GLG1: variants seen among roughly 807,000 people sequenced by gnomAD.
GLG1 encodes Golgi apparatus protein 1.
Under a neutral mutation model 160.5 loss-of-function variants are expected in GLG1, and 38 were observed. The observed-to-expected ratio is 0.24, with a 90% CI of 0.18 to 0.31. The LOEUF (loss-of-function observed/expected upper bound fraction) is 0.31, where lower values mean the gene tolerates loss of function less well. GLG1 is among the 10% of genes least tolerant of loss of function. The pLI, the probability that GLG1 is intolerant of heterozygous loss-of-function variation, is 1.00. For missense variants in GLG1, 1,373 were observed against 1,505.2 expected (o/e 0.91, Z 1.45); for synonymous variants, 644 against 543.4 (o/e 1.19, Z -2.57).
chr16:74,476,137 G>C (rs763126071), intron 12 of GLG1, among the ~76,000 whole-genome samples: 1 of 151,932 alleles, frequency 6.6e-6, no homozygotes, highest in Non-Finnish European at 1.5e-5. Flanking sequence ...AGCCGAGATC[G>C]TGCCACTGCA....
chr16:74,451,850 A>G lies in GLG1; in HGVS notation c.*1317T>C, dbSNP rs2014318461. ...GGATGGCCAAGAATATTGCTTCTAT[A>G]AAGCCCATATTCTGCAAAGGTTGAT... On this transcript the variant is annotated 3_prime_UTR_variant, in exon 26 of 26. Coordinates refer to ENST00000422840, the MANE Select transcript of GLG1 (RefSeq NM_001145667.2). The G allele has an allele frequency of 3.8e-6, 2 of 533,188 alleles. No homozygotes were observed. The highest frequency in any genetic ancestry group is 3.1e-5 in the East Asian group (1 of 32,050). The allele number at this position is 533,188 out of a possible 1,614,324, so 33.0% of individuals were successfully genotyped here.
intron 11 of GLG1, among the ~76,000 whole-genome samples, 168 bp from the exon 12 acceptor site, chr16:74,477,701 C>T (rs775717545): frequency 3.9e-5 from 6 of 152,136 alleles, no homozygotes; most frequent in Non-Finnish European, 7.4e-5. Flanking sequence ...CGGCCAGGTG[C>T]GGTGGCTCAC....
chr16:74,454,379 T>G (rs529436674), intron 25 of GLG1, among the ~76,000 whole-genome samples: 1 of 151,034 alleles, frequency 6.6e-6, no homozygotes, highest in Non-Finnish European at 1.5e-5. Flanking sequence ...AATTAAAAAA[T>G]TTTTTTTGGC....
chr16:74,569,873 A>T (rs12102294), intron 1 of GLG1, among the ~76,000 whole-genome samples: 1 of 150,830 alleles, frequency 6.6e-6, no homozygotes, highest in East Asian at 1.9e-4. Context: ...AAAAAAAAAA[A>T]AGAAAAAAAA....
At position 74,485,781 on chromosome 16, in the gene GLG1, G is replaced by A. The variant is rs776095491; in HGVS notation, c.1571+15C>T. 1 of 1,608,684 alleles carries A rather than the reference G, an allele frequency of 6.2e-7. No homozygotes were observed. Among genetic ancestry groups the A allele is most frequent in the South Asian group, 1.1e-5 (1 of 90,456 alleles). On this transcript the variant is annotated intron_variant, in intron 9 of 25. Transcript: ENST00000422840. ...AAATACAATATGGATAAATACCATG[G>A]AGAAGATAACTTACATTGGGTCTCC...
At chr16:74,511,990 T>G (rs761190220) in intron 2 of GLG1, among the ~76,000 whole-genome samples, 6 of 152,020 alleles carry the variant, frequency 3.9e-5, no homozygotes, top group Admixed American at 6.6e-5. Context: ...CTCTCTAAAG[T>G]GTACAATTCA....
At chr16:74,508,504 G>C (rs183276846) in intron 3 of GLG1, among the ~76,000 whole-genome samples, 5 of 152,228 alleles carry the variant, frequency 3.3e-5, no homozygotes, top group Admixed American at 3.3e-4. Context: ...AAACAGGAAT[G>C]CTGACAGACC....
At chr16:74,594,286 A>C (rs182365221) in intron 1 of GLG1, among the ~76,000 whole-genome samples, 18 of 152,326 alleles carry the variant, frequency 1.2e-4, no homozygotes, top group Admixed American at 3.3e-4. Context: ...TCCAGGATTC[A>C]AGTCAGCACC....
At chr16:74,570,895 C>A (rs1016714873) in intron 1 of GLG1, among the ~76,000 whole-genome samples, 3 of 152,114 alleles carry the variant, frequency 2.0e-5, no homozygotes, top group African/African-American at 7.2e-5. Context: ...CCGCCTACCA[C>A]CCGCTGGCCC....
At chr16:74,489,099 T>C (rs997277826) in intron 8 of GLG1, among the ~76,000 whole-genome samples, 2 of 152,138 alleles carry the variant, frequency 1.3e-5, no homozygotes, top group Non-Finnish European at 2.9e-5. Flanking sequence ...TGGGTGTGAA[T>C]TAGGTGCCTC....
chr16:74,548,844 G>T (rs992253325), intron 1 of GLG1, among the ~76,000 whole-genome samples: 1 of 151,918 alleles, frequency 6.6e-6, no homozygotes, highest in African/African-American at 2.4e-5. Context: ...AAAAATAGAA[G>T]AATTAGCTGG....
chr16:74,509,285 A>T (rs1302946715), intron 2 of GLG1, among the ~76,000 whole-genome samples: 1 of 150,982 alleles, frequency 6.6e-6, no homozygotes, highest in Non-Finnish European at 1.5e-5. Flanking sequence ...CGATTCTTAA[A>T]TGACAATTTT....
intron 1 of GLG1, among the ~76,000 whole-genome samples, chr16:74,532,533 A>T (rs902082546): frequency 3.3e-5 from 5 of 151,882 alleles, no homozygotes; most frequent in Middle Eastern, 6.8e-3. Flanking sequence ...TTTATTTTTT[A>T]TTTTTTTTGA....
chr16:74,513,063 C>T (rs867889060), intron 2 of GLG1, among the ~76,000 whole-genome samples: 15 of 151,950 alleles, frequency 9.9e-5, no homozygotes, highest in South Asian at 4.2e-4. Context: ...TGAGATGGGG[C>T]GCAGGGGTCA....
chr16:74,522,776 T>A (rs1309863899), intron 2 of GLG1, among the ~76,000 whole-genome samples: 1 of 152,192 alleles, frequency 6.6e-6, no homozygotes, highest in Non-Finnish European at 1.5e-5. Context: ...CTGAAGCTCC[T>A]GGGCTCAAGC....
chr16:74,576,135 G>A (rs1247323567), intron 1 of GLG1, among the ~76,000 whole-genome samples: 4 of 151,932 alleles, frequency 2.6e-5, no homozygotes, highest in Non-Finnish European at 4.4e-5. Flanking sequence ...AGGTGAAGGC[G>A]GCGGTGAGCT....
chr16:74,531,518 G>A (rs1231725488), intron 2 of GLG1, among the ~76,000 whole-genome samples: 1 of 152,050 alleles, frequency 6.6e-6, no homozygotes, highest in Non-Finnish European at 1.5e-5. Context: ...AGTGGAGACA[G>A]GATTCTCCAT....
At chr16:74,491,332 T>G in intron 7 of GLG1, 117 bp from the exon 8 acceptor site, 1 of 751,224 alleles carries the variant, frequency 1.3e-6, no homozygotes. Context: ...CTATCAGACA[T>G]GCTAACATCT....
At chr16:74,576,330 T>C (rs2019003316) in intron 1 of GLG1, among the ~76,000 whole-genome samples, 1 of 152,066 alleles carries the variant, frequency 6.6e-6, no homozygotes, top group South Asian at 2.1e-4. Context: ...GCAAGACATA[T>C]AAAGAGAATA....
Sources: gnomAD v4.1 joint callset for allele counts (sites outside exome capture counted in the v4.1 genomes callset) on GRCh38, gnomAD v4.1.1 for gene constraint, MANE v1.5 for transcripts, NCBI Gene and HGNC (gene_info 2026-07-23, HGNC 2026-07-21) for gene names.